TBC1D31: variants seen among roughly 807,000 people sequenced by gnomAD.
The protein encoded by TBC1D31 is TBC1 domain family member 31, also known as WD repeat domain 67.
A neutral mutation model predicts 132.9 loss-of-function variants in TBC1D31; 99 were observed. The ratio of observed to expected loss-of-function variants is 0.74; its 90% confidence interval spans 0.63 to 0.88. The LOEUF (loss-of-function observed/expected upper bound fraction) is 0.88, where lower values mean the gene tolerates loss of function less well. Ranked by LOEUF, TBC1D31 falls within the 40% of genes least tolerant of loss-of-function variation. The pLI is 0.00. For missense variants in TBC1D31, 1,134 were observed against 1,256.6 expected, an observed-to-expected ratio of 0.90 and a Z score of 1.48; for synonymous variants, 385 against 419.4, an observed-to-expected ratio of 0.92 and a Z score of 1.00.
intron 4 of TBC1D31, among the ~76,000 whole-genome samples, chr8:123,088,185 G>T (rs1490919179): frequency 1.7e-5 from 2 of 120,624 alleles, no homozygotes; most frequent in African/African-American, 7.8e-5. Flanking sequence ...CGAGACTCTT[G>T]TCTCAAAAAA....
In TBC1D31 at chr8:123,117,228, T is replaced by A. The variant is rs184346158; in HGVS notation, c.1437-2827T>A. Among the ~76,000 whole-genome samples, 518 of 151,034 alleles carry A rather than the reference T, an allele frequency of 3.4e-3. 2 individuals carry two copies. Among genetic ancestry groups the A allele is most frequent in the African/African-American group, 0.011 (467 of 41,118 alleles). The stretch of plus-strand genomic sequence containing the variant: ...TACTTGGGAGGCTGAGGCAGGAAAA[T>A]CGCTTGAACCTGGGAGGTAGAGGCT... On this transcript the variant is annotated intron_variant, in intron 10 of 21. Transcript: ENST00000287380.
intron 11 of TBC1D31, among the ~76,000 whole-genome samples, chr8:123,124,773 CAA>C (rs71310659): frequency 3.8e-5 from 5 of 131,510 alleles, no homozygotes; most frequent in Non-Finnish European, 1.6e-5. Context: ...ACTGAAAATA[CAA>C]AAAAAAAAAA....
At chr8:123,135,838 A>G (rs542100053) in intron 17 of TBC1D31, among the ~76,000 whole-genome samples, 10 of 152,310 alleles carry the variant, frequency 6.6e-5, no homozygotes, top group Admixed American at 1.3e-4. Context: ...AAACTTTACT[A>G]TATTTTCTTT....
chr8:123,150,443 T>C (rs1822661691), intron 21 of TBC1D31, among the ~76,000 whole-genome samples: 1 of 152,246 alleles, frequency 6.6e-6, no homozygotes, highest in African/African-American at 2.4e-5. Flanking sequence ...AATATGAAAT[T>C]CATAACTATT....
intron 4 of TBC1D31, among the ~76,000 whole-genome samples, chr8:123,092,020 C>CT (rs1206370786): frequency 6.6e-6 from 1 of 151,986 alleles, no homozygotes; most frequent in Non-Finnish European, 1.5e-5. Context: ...AAAGGACTAA[C>CT]TTTTTTTTCT....
Position 123,128,453 on chromosome 8 carries a change from A to C in TBC1D31, c.2057A>C (p.Asp686Ala), listed in dbSNP as rs754793121. 8 of 1,613,988 alleles carry C rather than the reference A, an allele frequency of 5.0e-6. No homozygotes were observed. The highest frequency in any genetic ancestry group is 6.8e-6 in the Non-Finnish European group (8 of 1,179,856). The change falls in exon 14 of 22, where the codon GAC (aspartate) becomes GCC (alanine). Residue 686 changes from aspartate (D) to alanine (A), a missense_variant. Coordinates refer to ENST00000287380, the MANE Select transcript of TBC1D31 (RefSeq NM_145647.4). ...VFNQYPKFIV[D>A]YQTQERERIR... ...AATCAATATCCAAAGTTTATTGTGG[A>C]CTATCAAACACAGGAACGAGAAAGA... is the stretch of plus-strand genomic sequence containing the variant.
rs1465222342 is a variant in TBC1D31, at chr8:123,097,346, A to G, written c.736A>G (p.Arg246Gly). The G allele has an allele frequency of 5.0e-6, 8 of 1,614,168 alleles. No individual in the cohort carries two copies. The highest frequency in any genetic ancestry group is 5.9e-6 in the Non-Finnish European group (7 of 1,180,016). Reference protein sequence around the residue: ...NHLHLWCLEARQLFRIIQMPT... With the variant: ...NHLHLWCLEAGQLFRIIQMPT... The stretch of plus-strand genomic sequence containing the variant: ...TCTTCATTTGTGGTGCTTGGAAGCT[A>G]GGCAGCTCTTTAGAATTATCCAGAT... The change falls in exon 6 of 22, where the codon AGG becomes GGG. Residue 246 changes from arginine to glycine, a missense_variant. Arg to Gly is a moderately radical substitution (Grantham distance 125, BLOSUM62 -2). Transcript: ENST00000287380.
Position 123,126,112 on chromosome 8 carries a change from A to C in TBC1D31, c.1627A>C (p.Ser543Arg), listed in dbSNP as rs758557561. The C allele has an allele frequency of 1.5e-5, 24 of 1,612,114 alleles. No homozygotes were observed. The highest frequency in any genetic ancestry group is 8.8e-5 in the South Asian group (8 of 90,690). ...TCCTAATCCTCCTATCAATATTCTT[A>C]GCATGATAGAAAATGTTTTGGCATT... is the stretch of plus-strand genomic sequence containing the variant. ...YFPNPPINIL[S>R]MIENVLAFHD... The change falls in exon 12 of 22, where the codon AGC becomes CGC. Residue 543 changes from serine (S) to arginine (R), a missense_variant. Coordinates refer to ENST00000287380, the MANE Select transcript of TBC1D31 (RefSeq NM_145647.4).
At chr8:123,113,199 A>G (rs1289358831) in intron 10 of TBC1D31, among the ~76,000 whole-genome samples, 1 of 152,210 alleles carries the variant, frequency 6.6e-6, no homozygotes, top group African/African-American at 2.4e-5. Context: ...AAAGTTACTC[A>G]AGTAACTGTT....
the TBC1D31 span, among the ~76,000 whole-genome samples, chr8:123,158,014 CTT>C: frequency 8.2e-6 from 1 of 121,416 alleles, no homozygotes; most frequent in Admixed American, 9.0e-5. Flanking sequence ...CTGATTTTTT[CTT>C]CCTTTTTTTT....
intron 20 of TBC1D31, among the ~76,000 whole-genome samples, chr8:123,147,617 G>A (rs755223503): frequency 1.3e-4 from 19 of 152,000 alleles, no homozygotes; most frequent in Non-Finnish European, 2.4e-4. Context: ...TCTTCCCTTC[G>A]TGCTAAATTT....
At chr8:123,159,764 C>G in the TBC1D31 span, among the ~76,000 whole-genome samples, 50 of 148,874 alleles carry the variant, frequency 3.4e-4, no homozygotes, top group African/African-American at 1.3e-3. Context: ...TGCACTCCAG[C>G]CTGGGCAACA....
chr8:123,089,727 G>A (rs1425729359), intron 4 of TBC1D31, among the ~76,000 whole-genome samples: 1 of 152,220 alleles, frequency 6.6e-6, no homozygotes, highest in African/African-American at 2.4e-5. Context: ...AAACTGTGGA[G>A]TAACTGTTAT....
intron 10 of TBC1D31, among the ~76,000 whole-genome samples, chr8:123,113,315 C>T (rs778352125): frequency 2.0e-5 from 3 of 152,106 alleles, no homozygotes; most frequent in Non-Finnish European, 4.4e-5. Flanking sequence ...TCCTTATCCC[C>T]AGTAGTACAA....
intron 5 of TBC1D31, among the ~76,000 whole-genome samples, chr8:123,094,378 A>G (rs962561472): frequency 1.3e-5 from 2 of 151,936 alleles, no homozygotes; most frequent in African/African-American, 4.8e-5. Context: ...ATTTTTATCA[A>G]TAACTTCACC....
At chr8:123,142,516 A>C (rs10101435) in intron 19 of TBC1D31, 60 bp downstream of exon 19, 4 of 1,305,720 alleles carry the variant, frequency 3.1e-6, no homozygotes, top group Non-Finnish European at 4.0e-6. Context: ...TTTTTTTTAA[A>C]AGACAGAGTC....
chr8:123,097,257 C>T (rs754548451), intron 5 of TBC1D31, 25 bp from the exon 6 acceptor site: 2 of 1,608,996 alleles, frequency 1.2e-6, no homozygotes, highest in Admixed American at 3.4e-5. Context: ...ACCCGTTTTT[C>T]TTTCTCACTT....
chr8:123,140,758 C>T lies in TBC1D31; in HGVS notation c.2500-3C>T. 2 of 1,590,054 alleles carry T rather than the reference C, an allele frequency of 1.3e-6. No individual in the cohort carries two copies. Among genetic ancestry groups the T allele is most frequent in the Non-Finnish European group, 1.7e-6 (2 of 1,172,332 alleles). On this transcript the variant is annotated splice_region_variant and splice_polypyrimidine_tract_variant and intron_variant, in intron 17 of 21. Coordinates refer to ENST00000287380, the MANE Select transcript of TBC1D31 (RefSeq NM_145647.4). ...GATTTTTTTTTACAAATGATTTTAA[C>T]AGAATCTTACTGAAAATCAAGAAGC...
chr8:123,110,305 T>C (rs559722978), intron 10 of TBC1D31, among the ~76,000 whole-genome samples: 82 of 152,286 alleles, frequency 5.4e-4, no homozygotes, highest in African/African-American at 1.7e-3. Flanking sequence ...TTAGAATGCA[T>C]ATGCTAGAGT....
Sources: allele counts gnomAD v4.1 joint callset (sites outside exome capture counted in the v4.1 genomes callset), GRCh38; gene constraint gnomAD v4.1.1; transcripts MANE v1.5; gene names NCBI Gene and HGNC (gene_info 2026-07-23, HGNC 2026-07-21).